MSN: variants seen among roughly 807,000 people sequenced by gnomAD.
MSN encodes the protein epididymis luminal protein 70.
Under a neutral mutation model 48.0 loss-of-function variants are expected in MSN, and 2 were observed. That is an observed-to-expected ratio of 0.04 (90% CI 0.02 to 0.13). The LOEUF is 0.13. Ranked by LOEUF, MSN falls within the 10% of genes least tolerant of loss-of-function variation. The probability of loss-of-function intolerance (pLI) is 1.00; values close to 1 mark genes in which losing one functional copy is unlikely to be tolerated. For missense variants in MSN, 267 were observed against 470.1 expected, an observed-to-expected ratio of 0.57 and a Z score of 3.99; for synonymous variants, 146 against 166.9, an observed-to-expected ratio of 0.87 and a Z score of 0.97.
intron 1 of MSN, among the ~76,000 whole-genome samples, chrX:65,612,561 TTTTTTG>T (rs2070329364): frequency 9.1e-6 from 1 of 110,194 alleles, no homozygotes; most frequent in African/African-American, 3.3e-5. Context: ...ATGGTTTTTT[TTTTTTG>T]TTTATTTTTG....
In MSN at chrX:65,740,044, T is replaced by C. The variant is rs1237543990; in HGVS notation, c.*151T>C. The C allele has an allele frequency of 5.8e-6, 3 of 514,793 alleles. No individual in the cohort carries two copies. The highest frequency in any genetic ancestry group is 8.9e-6 in the Non-Finnish European group (3 of 335,503). The allele number at this position is 514,793 out of a possible 1,213,427, so 42.4% of individuals were successfully genotyped here. On this transcript the variant is annotated 3_prime_UTR_variant, in exon 13 of 13. Transcript: ENST00000360270. The stretch of plus-strand genomic sequence containing the variant: ...TTTAATGTAGCCATGGGACCAAACC[T>C]AGCCCCTTAGCCCCCACCCACTTCC...
At position 65,673,302 on chromosome X, in the gene MSN, C is replaced by T. The variant is rs759035347; in HGVS notation, c.12+5449C>T. ...TTTTATTTCTGCTGAAAGGAAGGCCCGGAAGCTACTAGATTATGTTTCAGA... is the reference window on the plus strand; with the variant it reads ...TTTTATTTCTGCTGAAAGGAAGGCCTGGAAGCTACTAGATTATGTTTCAGA... On this transcript the variant is annotated intron_variant, in intron 1 of 12. Transcript: ENST00000360270. Among the ~76,000 whole-genome samples the T allele has an allele frequency of 1.6e-4, 18 of 110,883 alleles. No individual in the cohort carries two copies. In the East Asian group the frequency reaches 3.1e-3, roughly 19 times the overall value.
chrX:65,676,595 C>G (rs767849899), intron 1 of MSN, among the ~76,000 whole-genome samples: 1 of 111,076 alleles, frequency 9.0e-6, no homozygotes, highest in East Asian at 2.8e-4. Context: ...AATTTTTTTC[C>G]TGGGTATATA....
intron 1 of MSN, among the ~76,000 whole-genome samples, chrX:65,656,625 T>TA (rs1413484335): frequency 9.0e-6 from 1 of 110,692 alleles, no homozygotes; most frequent in African/African-American, 3.3e-5. Context: ...AAATTAAAAT[T>TA]AAAAAAAGCA....
chrX:65,615,986 T>C (rs1030985506), intron 1 of MSN, among the ~76,000 whole-genome samples: 2 of 111,403 alleles, frequency 1.8e-5, no homozygotes, highest in African/African-American at 3.3e-5. Context: ...TGCTTGTTTT[T>C]GTCAGGTTTG....
In MSN at chrX:65,621,166, C is replaced by T. The variant is rs369632115; in HGVS notation, c.-22+32554C>T. Among the ~76,000 whole-genome samples the T allele has an allele frequency of 1.4e-3, 154 of 111,494 alleles. 1 individual carries two copies. In the East Asian group the frequency reaches 0.025, roughly 18 times the overall value. On this transcript the variant is annotated intron_variant, in intron 1 of 3. Transcript: ENST00000609672. The stretch of plus-strand genomic sequence containing the variant: ...TCCTGATCTTGTGATCCGCCCACCT[C>T]GGCCTCCCAAAGCACTGGGATTACA...
At chrX:65,686,627 G>C (rs1390176188) in intron 1 of MSN, among the ~76,000 whole-genome samples, 1 of 112,539 alleles carries the variant, frequency 8.9e-6, no homozygotes, top group Non-Finnish European at 1.9e-5. Context: ...GGCCAGGCTT[G>C]CAGGAATATC....
intron 1 of MSN, among the ~76,000 whole-genome samples, chrX:65,643,999 G>A (rs188702995): frequency 3.0e-4 from 34 of 111,712 alleles, no homozygotes; most frequent in African/African-American, 1.1e-3. Flanking sequence ...GCACTGATTG[G>A]GACAACCACT....
intron 1 of MSN, 106 bp from the exon 2 acceptor site, chrX:65,716,712 C>T: frequency 1.5e-6 from 1 of 688,931 alleles, no homozygotes; most frequent in Non-Finnish European, 2.3e-6. Flanking sequence ...TGCCCAGGCT[C>T]TTAGCATCCT....
At chrX:65,688,109 T>C (rs1298709461) in intron 1 of MSN, among the ~76,000 whole-genome samples, 1 of 112,512 alleles carries the variant, frequency 8.9e-6, no homozygotes, top group Non-Finnish European at 1.9e-5. Flanking sequence ...TTTTTTCCAG[T>C]GTCCAAGTAA....
chrX:65,733,430 T>C (rs73629475), intron 7 of MSN, 150 bp downstream of exon 7: 4,836 of 468,006 alleles, frequency 0.01, 173 homozygotes, highest in African/African-American at 0.1. Flanking sequence ...CAAATAGAGA[T>C]TGGGAATGGA....
chrX:65,734,719 C>CA (rs1302105157), intron 7 of MSN, among the ~76,000 whole-genome samples: 1 of 112,104 alleles, frequency 8.9e-6, no homozygotes, highest in Non-Finnish European at 1.9e-5. Context: ...ACAACCAGGA[C>CA]AAGCAGTGAT....
chrX:65,687,267 G>A (rs2071124116), intron 1 of MSN, among the ~76,000 whole-genome samples: 1 of 111,667 alleles, frequency 9.0e-6, no homozygotes, highest in African/African-American at 3.3e-5. Flanking sequence ...AGAATCGCTT[G>A]AATCTGGGAG....
intron 1 of MSN, among the ~76,000 whole-genome samples, chrX:65,590,878 A>T (rs746525724): frequency 9.9e-5 from 11 of 111,270 alleles, no homozygotes; most frequent in Non-Finnish European, 1.7e-4. Context: ...CATCTGCTAT[A>T]CCTGGAGCTG....
intron 1 of MSN, among the ~76,000 whole-genome samples, chrX:65,678,442 G>A (rs1271996537): frequency 2.7e-5 from 3 of 111,672 alleles, no homozygotes; most frequent in Non-Finnish European, 5.6e-5. Flanking sequence ...GACAGCCTAG[G>A]AGTGGTCTCG....
intron 1 of MSN, among the ~76,000 whole-genome samples, chrX:65,598,176 G>C (rs2070201912): frequency 9.0e-6 from 1 of 110,778 alleles, no homozygotes; most frequent in Non-Finnish European, 1.9e-5. Flanking sequence ...CAGAATCAGA[G>C]AAGGAGAAGA....
At chrX:65,670,158 A>T (rs974637260) in intron 1 of MSN, among the ~76,000 whole-genome samples, 5 of 111,818 alleles carry the variant, frequency 4.5e-5, no homozygotes, top group African/African-American at 1.6e-4. Flanking sequence ...TACTTTTCTT[A>T]TTCCTCATAC....
At chrX:65,647,938 CT>C (rs1425749668) in intron 1 of MSN, among the ~76,000 whole-genome samples, 1 of 111,753 alleles carries the variant, frequency 8.9e-6, no homozygotes, top group East Asian at 2.8e-4. Context: ...ATTTCTCTGG[CT>C]TCTTTGTGGA....
At chrX:65,645,589 G>A (rs1279169070) in intron 1 of MSN, among the ~76,000 whole-genome samples, 1 of 110,860 alleles carries the variant, frequency 9.0e-6, no homozygotes, top group Non-Finnish European at 1.9e-5. Context: ...TTGGTCAAGT[G>A]GAAAAAGATT....
Sources: allele counts gnomAD v4.1 joint callset (sites outside exome capture counted in the v4.1 genomes callset), GRCh38; gene constraint gnomAD v4.1.1; transcripts MANE v1.5; gene names NCBI Gene and HGNC (gene_info 2026-07-23, HGNC 2026-07-21).